PRDM16: variants seen among roughly 807,000 people sequenced by gnomAD.
The protein encoded by PRDM16 is PR/SET domain 16, also known as histone-lysine N-methyltransferase PRDM16.
Under a neutral mutation model 110.6 loss-of-function variants are expected in PRDM16, and 23 were observed. The ratio of observed to expected loss-of-function variants is 0.21; its 90% CI spans 0.15 to 0.29. The LOEUF is 0.29. PRDM16 is among the 10% of genes least tolerant of loss of function. The pLI, the probability that PRDM16 is intolerant of heterozygous loss-of-function variation, is 1.00. For missense variants in PRDM16, 1,615 were observed against 1,794.3 expected, an observed-to-expected ratio of 0.90 and a Z score of 1.81; for synonymous variants, 799 against 781.8, an observed-to-expected ratio of 1.02 and a Z score of -0.37.
chr1:3,161,013 G>T (rs972296371), intron 1 of PRDM16, among the ~76,000 whole-genome samples: 1 of 152,170 alleles, frequency 6.6e-6, no homozygotes, highest in African/African-American at 2.4e-5. Flanking sequence ...GGGGGAAAAG[G>T]CAGAGACTGG....
chr1:3,341,725 C>T (rs1642276667), intron 3 of PRDM16, among the ~76,000 whole-genome samples: 1 of 152,208 alleles, frequency 6.6e-6, no homozygotes, highest in Non-Finnish European at 1.5e-5. Flanking sequence ...TGGCCCAACA[C>T]CCTCTTGCTG....
chr1:3,329,529 G>A (rs9424311), intron 3 of PRDM16, among the ~76,000 whole-genome samples: 46,059 of 152,130 alleles, frequency 0.3, 8,053 homozygotes, highest in South Asian at 0.44. Flanking sequence ...CAGGAGGACC[G>A]TGGGGCACAC....
At chr1:3,196,925 C>T (rs866942597) in intron 2 of PRDM16, among the ~76,000 whole-genome samples, 4 of 152,182 alleles carry the variant, frequency 2.6e-5, no homozygotes, top group Non-Finnish European at 5.9e-5. Flanking sequence ...GCTGGAGCTG[C>T]GAAGAGGCGG....
At position 3,412,702 on chromosome 1, in the gene PRDM16, C is replaced by T. The variant is rs762623730; in HGVS notation, c.2505C>T (p.Ala835=). The T allele has an allele frequency of 2.3e-5, 34 of 1,495,102 alleles. No individual in the cohort carries two copies. Among genetic ancestry groups the T allele is most frequent in the South Asian group, 1.2e-4 (9 of 75,874 alleles). The allele number at this position is 1,495,102 out of a possible 1,614,324, so 92.6% of individuals were successfully genotyped here. A position where few individuals can be genotyped will look rare whatever the true frequency, so the allele number is the denominator to read the frequency against. The part of the protein sequence containing the change: ...NHVYGERKLG[A]GEGLPQVCPA... ...TCTATGGGGAACGCAAGCTGGGCGC[C>T]GGCGAGGGGCTGCCCCAGGTGTGCC... is the stretch of plus-strand genomic sequence containing the variant. Residue 835 remains alanine (A), a synonymous_variant, in exon 9 of 17, where the codon GCC becomes GCT. Transcript: ENST00000270722.
rs72846804 is a variant in PRDM16, at chr1:3,126,831, A to T, written c.37+57535A>T. Among the ~76,000 whole-genome samples the T allele has an allele frequency of 8.2e-3, 1,250 of 152,298 alleles. 14 individuals carry two copies. The highest frequency in any genetic ancestry group is 0.029 in the African/African-American group (1,203 of 41,556). On this transcript the variant is annotated intron_variant, in intron 1 of 16. Coordinates refer to ENST00000270722, the MANE Select transcript of PRDM16 (RefSeq NM_022114.4). ...CAGGAAGATTCCAGAAGGGCTTCTG[A>T]TTCTGTGCAGAAGCGTTGTAGATGG...
chr1:3,129,245 T>C (rs1274242082), intron 1 of PRDM16, among the ~76,000 whole-genome samples: 1 of 149,814 alleles, frequency 6.7e-6, no homozygotes, highest in Non-Finnish European at 1.5e-5. Flanking sequence ...TGCATGTGGG[T>C]GCGTGTGTGT....
chr1:3,179,105 G>A (rs1188035296), intron 1 of PRDM16, among the ~76,000 whole-genome samples: 1 of 152,206 alleles, frequency 6.6e-6, no homozygotes, highest in African/African-American at 2.4e-5. Flanking sequence ...CCCCATCCAG[G>A]GCTCTCCCCG....
intron 3 of PRDM16, among the ~76,000 whole-genome samples, chr1:3,281,557 G>T (rs1640711998): frequency 6.6e-6 from 1 of 152,228 alleles, no homozygotes; most frequent in African/African-American, 2.4e-5. Flanking sequence ...GATGTGCTCT[G>T]ATTGGGTTCA....
At chr1:3,431,307 C>CA (rs1233963512) in intron 15 of PRDM16, among the ~76,000 whole-genome samples, 199 bp downstream of exon 15, 8 of 152,088 alleles carry the variant, frequency 5.3e-5, no homozygotes, top group African/African-American at 1.9e-4. Flanking sequence ...TTAACCCCCC[C>CA]ACCCACCCCC....
chr1:3,097,919 A>G (rs528061338), intron 1 of PRDM16, among the ~76,000 whole-genome samples: 2 of 152,224 alleles, frequency 1.3e-5, no homozygotes, highest in East Asian at 3.9e-4. Context: ...GAATTCTGCC[A>G]TGCCTGCTGT....
intron 4 of PRDM16, among the ~76,000 whole-genome samples, chr1:3,387,922 A>G (rs1224514326): frequency 1.3e-5 from 2 of 152,268 alleles, no homozygotes; most frequent in Non-Finnish European, 2.9e-5. Context: ...ATAGATTTCA[A>G]TCTAGTGTTT....
chr1:3,419,223 C>A (rs1638360054), intron 12 of PRDM16, among the ~76,000 whole-genome samples: 1 of 152,164 alleles, frequency 6.6e-6, no homozygotes, highest in African/African-American at 2.4e-5. Flanking sequence ...AAATGCGGGT[C>A]CCCACCCCCC....
Position 3,069,205 on chromosome 1 carries a change from T to C in PRDM16, c.-55T>C. ...GACAATGCTGGGGAGATGAAGATAGTGTGTGGCTGCTTCTGGACTCAAGGA... is the reference window on the plus strand; with the variant it reads ...GACAATGCTGGGGAGATGAAGATAGCGTGTGGCTGCTTCTGGACTCAAGGA... On this transcript the variant is annotated 5_prime_UTR_variant, in exon 1 of 17. Coordinates refer to ENST00000270722, the MANE Select transcript of PRDM16 (RefSeq NM_022114.4). The surrounding 1 kb of genome is among the most constrained non-coding windows in gnomAD (Gnocchi z 6.1). The C allele has an allele frequency of 6.6e-7, 1 of 1,505,566 alleles. No homozygotes were observed. Among genetic ancestry groups the C allele is most frequent in the Non-Finnish European group, 9.1e-7 (1 of 1,097,728 alleles). The allele number at this position is 1,505,566 out of a possible 1,614,324, so 93.3% of individuals were successfully genotyped here.
intron 3 of PRDM16, among the ~76,000 whole-genome samples, chr1:3,349,542 A>G (rs1642437785): frequency 6.6e-6 from 1 of 152,040 alleles, no homozygotes; most frequent in South Asian, 2.1e-4. Context: ...TGTCATCCTC[A>G]ACCCAAGGGT....
Position 3,186,871 on chromosome 1 carries a change from C to T in PRDM16, c.387+397C>T, listed in dbSNP as rs545710794. Among the ~76,000 whole-genome samples, 345 of 152,310 alleles carry T rather than the reference C, an allele frequency of 2.3e-3. 2 individuals carry two copies. The highest frequency in any genetic ancestry group is 7.7e-3 in the African/African-American group (322 of 41,570). On this transcript the variant is annotated intron_variant, in intron 2 of 16. Coordinates refer to ENST00000270722, the MANE Select transcript of PRDM16 (RefSeq NM_022114.4). Reference sequence around the variant, plus strand: ...ATTCCAGGCCAGGGCAGTGTGGAGCCGCTCACAAATCACACCTGGTGGCCA... The same window carrying T: ...ATTCCAGGCCAGGGCAGTGTGGAGCTGCTCACAAATCACACCTGGTGGCCA...
rs397514743 is a variant in PRDM16, at chr1:3,412,644, A to G, written c.2447A>G (p.Asn816Ser). 168 of 1,557,728 alleles carry G rather than the reference A, an allele frequency of 1.1e-4. 2 individuals carry two copies. In the South Asian group the frequency reaches 1.8e-3, roughly 17 times the overall value. Residue 816 changes from asparagine (N) to serine (S), a missense_variant, in exon 9 of 17, where the codon AAC (asparagine) becomes AGC (serine). Coordinates refer to ENST00000270722, the MANE Select transcript of PRDM16 (RefSeq NM_022114.4). ...GGCAGCCGGGCCCGTGCCAGCCAAA[A>G]CGGCGGCGGGCGGGAGCCCCGCAAG... is the stretch of plus-strand genomic sequence containing the variant. ...SIGSRARASQ[N>S]GGGREPRKNH... is the part of the protein sequence containing the mutation.
chr1:3,297,510 C>G (rs1273763131), intron 3 of PRDM16, among the ~76,000 whole-genome samples: 1 of 152,114 alleles, frequency 6.6e-6, no homozygotes, highest in Non-Finnish European at 1.5e-5. Flanking sequence ...TCTCAAACTC[C>G]TGACCTCAGG....
At chr1:3,392,410 C>A (rs1557649364) in intron 4 of PRDM16, among the ~76,000 whole-genome samples, 1 of 151,978 alleles carries the variant, frequency 6.6e-6, no homozygotes, top group Non-Finnish European at 1.5e-5. Context: ...GGAAAAAATT[C>A]ATTTATTCCA....
chr1:3,286,864 C>A (rs1640856715), intron 3 of PRDM16, among the ~76,000 whole-genome samples: 1 of 151,634 alleles, frequency 6.6e-6, no homozygotes, highest in Admixed American at 6.6e-5. Context: ...GGTCTGCCCA[C>A]CCTTCCTGGG....
Sources: gnomAD v4.1 joint callset for allele counts (sites outside exome capture counted in the v4.1 genomes callset) on GRCh38, gnomAD v4.1.1 for gene constraint, Gnocchi (gnomAD v3.1) non-coding constraint, MANE v1.5 for transcripts, NCBI Gene and HGNC (gene_info 2026-07-23, HGNC 2026-07-21) for gene names.